EYA2: variants seen among roughly 807,000 people sequenced by gnomAD.
EYA2 encodes the protein protein phosphatase EYA2.
In EYA2, 31 loss-of-function variants were observed where a neutral mutation model predicts 69.2. The ratio of observed to expected loss-of-function variants is 0.45; its 90% CI spans 0.34 to 0.60. EYA2 has a LOEUF of 0.60. Among genes scored for constraint, EYA2 ranks in the 20% least tolerant of loss-of-function variants. The pLI, the probability that EYA2 is intolerant of heterozygous loss-of-function variation, is 0.02. For missense variants in EYA2, 622 were observed against 701.2 expected, an observed-to-expected ratio of 0.89 and a Z score of 1.28; for synonymous variants, 257 against 279.4, an observed-to-expected ratio of 0.92 and a Z score of 0.80.
intron 5 of EYA2, among the ~76,000 whole-genome samples, chr20:47,052,257 G>A (rs2030378466): frequency 6.6e-6 from 1 of 152,192 alleles, no homozygotes; most frequent in African/African-American, 2.4e-5. Flanking sequence ...GCAAGGTGTG[G>A]CTGGAGTTGG....
chr20:47,156,133 T>C (rs1228150610), intron 10 of EYA2, among the ~76,000 whole-genome samples: 1,486 of 6,574 alleles, frequency 0.23, 21 homozygotes, highest in East Asian at 0.29. Flanking sequence ...CACACATATA[T>C]ATATATATAT....
At chr20:47,162,180 T>C (rs189716048) in intron 10 of EYA2, among the ~76,000 whole-genome samples, 32 of 152,250 alleles carry the variant, frequency 2.1e-4, no homozygotes, top group Admixed American at 2.1e-3. Context: ...CACAGACATA[T>C]TGGATGAAGG....
intron 9 of EYA2, among the ~76,000 whole-genome samples, chr20:47,128,191 C>T (rs1050998582): frequency 6.6e-6 from 1 of 152,140 alleles, no homozygotes; most frequent in Non-Finnish European, 1.5e-5. Flanking sequence ...GAGCCATTCC[C>T]GGCCTTTGGC....
chr20:47,094,573 C>T (rs888117599), intron 8 of EYA2, among the ~76,000 whole-genome samples: 1 of 152,230 alleles, frequency 6.6e-6, no homozygotes, highest in Non-Finnish European at 1.5e-5. Flanking sequence ...TGTGTTAATA[C>T]AGCCATTGAC....
intron 1 of EYA2, among the ~76,000 whole-genome samples, chr20:46,921,005 C>T (rs185676413): frequency 5.9e-5 from 9 of 152,362 alleles, no homozygotes; most frequent in Non-Finnish European, 8.8e-5. Context: ...CCCTGTTGAG[C>T]GAGGTGTCAC....
intron 1 of EYA2, among the ~76,000 whole-genome samples, chr20:46,895,759 C>A (rs192530109): frequency 6.6e-6 from 1 of 152,338 alleles, no homozygotes; most frequent in East Asian, 1.9e-4. Context: ...CTGCCTCCCC[C>A]CCAGCAATAA....
At chr20:46,986,294 CTAATG>C (rs1032986448) in intron 1 of EYA2, among the ~76,000 whole-genome samples, 2 of 141,214 alleles carry the variant, frequency 1.4e-5, no homozygotes, top group Admixed American at 1.4e-4. Flanking sequence ...CTCTATATAT[CTAATG>C]TATATATTAT....
rs569031055 is a variant in EYA2, at chr20:47,097,196, CT to C, written c.888+35del. ...AAGAATCCATTTTGTCTCTCTCTCT[CT>C]TTTTTTGTTTTCAACGTTATTGTCC... On this transcript the variant is annotated intron_variant, in intron 9 of 15. Transcript: ENST00000327619. 12 of 1,528,890 alleles carry C rather than the reference CT, an allele frequency of 7.8e-6. No homozygotes were observed. The East Asian group carries it at 1.8e-4, about 24-fold the overall frequency. The allele number at this position is 1,528,890 out of a possible 1,614,324, so 94.7% of individuals were successfully genotyped here. A position where few individuals can be genotyped will look rare whatever the true frequency, so the allele number is the denominator to read the frequency against.
chr20:46,966,802 G>A (rs1044744731), intron 1 of EYA2, among the ~76,000 whole-genome samples: 11 of 133,590 alleles, frequency 8.2e-5, no homozygotes, highest in African/African-American at 2.1e-4. Context: ...GCGACAGAGC[G>A]AGACTCCATC....
In EYA2 at chr20:47,037,945, G is replaced by A. The variant is rs116574694; in HGVS notation, c.415+21648G>A. ...GGGGCATTTGTTCTCTCTACCACAC[G>A]TGTTCATCATTCAACAAGTATTTAT... On this transcript the variant is annotated intron_variant, in intron 5 of 15. Coordinates refer to ENST00000327619, the MANE Select transcript of EYA2 (RefSeq NM_005244.5). 6.4e-3 allele frequency among the ~76,000 whole-genome samples: 981 copies of A among 152,246 alleles called. 9 individuals carry two copies. Among genetic ancestry groups the A allele is most frequent in the African/African-American group, 0.022 (933 of 41,516 alleles).
At chr20:46,987,785 G>A (rs375070672) in intron 1 of EYA2, among the ~76,000 whole-genome samples, 16 of 151,298 alleles carry the variant, frequency 1.1e-4, no homozygotes, top group African/African-American at 3.4e-4. Context: ...AAATTAGCTG[G>A]GTGTGGTGGT....
intron 1 of EYA2, among the ~76,000 whole-genome samples, chr20:46,964,162 G>A (rs11907839): frequency 0.057 from 8,652 of 152,302 alleles, 392 homozygotes; most frequent in African/African-American, 0.13. Flanking sequence ...TGCAAAACAG[G>A]TTTCTTACTG....
At chr20:47,060,086 G>A (rs2146451366) in intron 5 of EYA2, among the ~76,000 whole-genome samples, 1 of 152,292 alleles carries the variant, frequency 6.6e-6, no homozygotes, top group East Asian at 1.9e-4. Flanking sequence ...CAGAAGCCCT[G>A]GCTACATTAG....
At chr20:47,153,510 C>T (rs2033863950) in intron 10 of EYA2, among the ~76,000 whole-genome samples, 3 of 151,818 alleles carry the variant, frequency 2.0e-5, no homozygotes, top group South Asian at 4.2e-4. Context: ...ACAAAATTAG[C>T]CGGGCATGGT....
intron 9 of EYA2, among the ~76,000 whole-genome samples, chr20:47,106,034 T>A (rs546385061): frequency 6.6e-6 from 1 of 152,224 alleles, no homozygotes; most frequent in Non-Finnish European, 1.5e-5. Flanking sequence ...GCCTTGGCAA[T>A]GGCAGGAACA....
chr20:47,016,803 C>G lies in EYA2; in HGVS notation c.415+506C>G, dbSNP rs968864469. Reference sequence around the variant, plus strand: ...AGAGCTGAGACCAGTGAGACTGGAGCAAAGTCAGAAGGCATGTAGGAGGAG... The same window carrying G: ...AGAGCTGAGACCAGTGAGACTGGAGGAAAGTCAGAAGGCATGTAGGAGGAG... On this transcript the variant is annotated intron_variant, in intron 5 of 15. Coordinates refer to ENST00000327619, the MANE Select transcript of EYA2 (RefSeq NM_005244.5). Among the ~76,000 whole-genome samples the G allele has an allele frequency of 1.2e-4, 18 of 152,158 alleles. No homozygotes were observed. In the East Asian group the frequency reaches 3.3e-3, roughly 28 times the overall value.
At chr20:47,069,243 C>T (rs139878421) in intron 5 of EYA2, among the ~76,000 whole-genome samples, 2,592 of 152,256 alleles carry the variant, frequency 0.017, 58 homozygotes, top group African/African-American at 0.059. Flanking sequence ...TCTGTAATCC[C>T]AACACTTTGG....
chr20:47,002,234 C>G (rs956235198), intron 3 of EYA2, among the ~76,000 whole-genome samples: 1 of 151,914 alleles, frequency 6.6e-6, no homozygotes, highest in African/African-American at 2.4e-5. Context: ...TATACACATG[C>G]AGAACATGCA....
At chr20:46,980,447 A>AT (rs11480840) in intron 1 of EYA2, among the ~76,000 whole-genome samples, 10,850 of 152,086 alleles carry the variant, frequency 0.071, 539 homozygotes, top group East Asian at 0.13. Context: ...CTGTGCTGAA[A>AT]TTTTTTTTAC....
Sources: allele counts gnomAD v4.1 joint callset (sites outside exome capture counted in the v4.1 genomes callset), GRCh38; gene constraint gnomAD v4.1.1; transcripts MANE v1.5; gene names NCBI Gene and HGNC (gene_info 2026-07-23, HGNC 2026-07-21).